The following SERGEF variants were observed in gnomAD, a reference collection of about 807,000 sequenced individuals.
The protein encoded by SERGEF is secretion-regulating guanine nucleotide exchange factor.
A neutral mutation model predicts 50.0 loss-of-function variants in SERGEF; 51 were observed. The observed-to-expected ratio is 1.02, with a 90% CI of 0.81 to 1.29. The LOEUF (loss-of-function observed/expected upper bound fraction) is 1.29. Among genes scored for constraint, SERGEF ranks in the 50% most tolerant of loss-of-function variants. SERGEF has a pLI of 0.00. For synonymous variants in SERGEF, 205 were observed against 212.4 expected, an observed-to-expected ratio of 0.97 and a Z score of 0.30; for missense variants, 521 against 557.0, an observed-to-expected ratio of 0.94 and a Z score of 0.65.
chr11:17,926,989 C>T (rs1026467049), intron 9 of SERGEF: 2 of 379,064 alleles, frequency 5.3e-6, no homozygotes, highest in South Asian at 3.9e-5. Context: ...CGCCTGTCAC[C>T]ATGTTCTTTG....
At chr11:17,986,234 G>A (rs562751576) in intron 8 of SERGEF, among the ~76,000 whole-genome samples, 277 of 152,230 alleles carry the variant, frequency 1.8e-3, no homozygotes, top group African/African-American at 6.3e-3. Context: ...TCTTCTCAAC[G>A]ACACTGGGCC....
chr11:18,005,270 G>A (rs1854050682), intron 3 of SERGEF, among the ~76,000 whole-genome samples: 1 of 152,172 alleles, frequency 6.6e-6, no homozygotes, highest in Non-Finnish European at 1.5e-5. Context: ...GATAGTTATT[G>A]TTTAGATTCT....
chr11:17,929,307 C>T (rs1227930180), intron 9 of SERGEF, among the ~76,000 whole-genome samples: 1 of 152,132 alleles, frequency 6.6e-6, no homozygotes, highest in Non-Finnish European at 1.5e-5. Flanking sequence ...ATCACTGACG[C>T]TATTTCAAAC....
intron 10 of SERGEF, among the ~76,000 whole-genome samples, chr11:17,803,846 C>T (rs1031289338): frequency 6.6e-6 from 1 of 152,234 alleles, no homozygotes; most frequent in Admixed American, 6.5e-5. Context: ...AAGTAGGTAA[C>T]ATTTGACACA....
intron 9 of SERGEF, among the ~76,000 whole-genome samples, chr11:17,916,309 A>G (rs1049146437): frequency 2.6e-5 from 4 of 152,210 alleles, no homozygotes; most frequent in Non-Finnish European, 5.9e-5. Context: ...TGAATCATCA[A>G]AGGAAAATTT....
intron 10 of SERGEF, among the ~76,000 whole-genome samples, chr11:17,836,333 G>T (rs1208871211): frequency 6.6e-6 from 1 of 152,186 alleles, no homozygotes; most frequent in Non-Finnish European, 1.5e-5. Flanking sequence ...ATCACTACAG[G>T]TATATGGGCC....
At chr11:17,970,035 G>A (rs758158312) in intron 8 of SERGEF, among the ~76,000 whole-genome samples, 5 of 152,190 alleles carry the variant, frequency 3.3e-5, no homozygotes, top group Non-Finnish European at 5.9e-5. Context: ...AACCCAGGTC[G>A]CCCTGACTTC....
intron 9 of SERGEF, among the ~76,000 whole-genome samples, chr11:17,930,965 C>A (rs564273596): frequency 3.5e-4 from 53 of 152,196 alleles, no homozygotes; most frequent in African/African-American, 1.2e-3. Context: ...AATTACACTG[C>A]AGAAAAAATG....
At chr11:17,841,533 G>C (rs1850501330) in intron 10 of SERGEF, among the ~76,000 whole-genome samples, 1 of 151,958 alleles carries the variant, frequency 6.6e-6, no homozygotes. Flanking sequence ...TTTCTTACTG[G>C]GACCATTGCA....
At chr11:17,960,512 G>A (rs571275309) in intron 8 of SERGEF, among the ~76,000 whole-genome samples, 12 of 152,252 alleles carry the variant, frequency 7.9e-5, no homozygotes, top group African/African-American at 1.4e-4. Flanking sequence ...AACCATGTGC[G>A]TTGTATAAAT....
intron 3 of SERGEF, 119 bp downstream of exon 3, chr11:18,006,472 G>A (rs562123207): frequency 2.0e-6 from 2 of 1,000,932 alleles, no homozygotes; most frequent in South Asian, 1.7e-5. Flanking sequence ...CACCGCACCA[G>A]GCCTTATGTG....
chr11:17,851,809 AT>A (rs1423101989), intron 10 of SERGEF, among the ~76,000 whole-genome samples: 32 of 152,222 alleles, frequency 2.1e-4, no homozygotes, highest in Admixed American at 5.9e-4. Flanking sequence ...GAGGAAAAAG[AT>A]ATGACTGAAA....
chr11:17,915,476 GTTC>G (rs1368446571), intron 9 of SERGEF, among the ~76,000 whole-genome samples: 12 of 152,160 alleles, frequency 7.9e-5, no homozygotes, highest in Non-Finnish European at 1.6e-4. Flanking sequence ...TGAGTCCCTA[GTTC>G]TTCTGACTCT....
chr11:17,983,687 G>C (rs890877653), intron 8 of SERGEF, among the ~76,000 whole-genome samples: 1 of 150,690 alleles, frequency 6.6e-6, no homozygotes, highest in African/African-American at 2.4e-5. Flanking sequence ...AAGGAAATTA[G>C]TCAAAGAATG....
At chr11:17,899,781 C>T (rs1298473878) in intron 9 of SERGEF, among the ~76,000 whole-genome samples, 1 of 151,698 alleles carries the variant, frequency 6.6e-6, no homozygotes, top group Non-Finnish European at 1.5e-5. Flanking sequence ...ACTGAGACCC[C>T]CCATCTCTAA....
At chr11:18,007,908 A>G (rs1266739980) in intron 2 of SERGEF, 33 bp downstream of exon 2, 1 of 1,588,990 alleles carries the variant, frequency 6.3e-7, no homozygotes, top group South Asian at 1.1e-5. Flanking sequence ...TAAATAAGAA[A>G]ATGAGTGACT....
intron 9 of SERGEF, among the ~76,000 whole-genome samples, chr11:17,924,106 G>A (rs774045348): frequency 1.1e-4 from 16 of 152,190 alleles, no homozygotes; most frequent in Non-Finnish European, 1.9e-4. Context: ...ATCCCTGACT[G>A]AGAGTCAATA....
At chr11:17,947,962 T>C (rs1177109472) in intron 9 of SERGEF, among the ~76,000 whole-genome samples, 3 of 151,592 alleles carry the variant, frequency 2.0e-5, no homozygotes. Flanking sequence ...TTTTTTTTTT[T>C]TTTTTTCTGA....
intron 10 of SERGEF, among the ~76,000 whole-genome samples, chr11:17,868,199 C>T (rs1266252132): frequency 1.3e-5 from 2 of 152,180 alleles, no homozygotes; most frequent in Admixed American, 6.5e-5. Context: ...CTCTGTTTCC[C>T]TTTTAAAACT....
Sources: gnomAD v4.1 joint callset for allele counts (sites outside exome capture counted in the v4.1 genomes callset) on GRCh38, gnomAD v4.1.1 for gene constraint, MANE v1.5 for transcripts, NCBI Gene and HGNC (gene_info 2026-07-23, HGNC 2026-07-21) for gene names.